KCNQ5: variants seen among roughly 807,000 people sequenced by gnomAD.
The protein encoded by KCNQ5 is potassium voltage-gated channel subfamily KQT member 5.
In KCNQ5, 30 loss-of-function variants were observed where a neutral mutation model predicts 98.2. That is an observed-to-expected ratio of 0.31 (90% CI 0.23 to 0.41). KCNQ5 has a LOEUF of 0.41. Ranked by LOEUF, KCNQ5 falls within the 10% of genes least tolerant of loss-of-function variation. The pLI, the probability that KCNQ5 is intolerant of heterozygous loss-of-function variation, is 1.00. For missense variants in KCNQ5, 835 were observed against 1,182.5 expected (o/e 0.71, Z 4.31); for synonymous variants, 458 against 449.4 (o/e 1.02, Z -0.24).
chr6:73,048,844 G>A (rs1032084036), intron 3 of KCNQ5, among the ~76,000 whole-genome samples: 1 of 152,232 alleles, frequency 6.6e-6, no homozygotes, highest in East Asian at 1.9e-4. Context: ...AGCCCCAGTG[G>A]TATCACCAGT....
intron 10 of KCNQ5, among the ~76,000 whole-genome samples, chr6:73,139,088 C>A (rs929514545): frequency 2.6e-5 from 4 of 152,220 alleles, no homozygotes; most frequent in Non-Finnish European, 5.9e-5. Flanking sequence ...CATCTGTCTG[C>A]CTGCCTCCTC....
Position 72,878,372 on chromosome 6 carries a change from G to A in KCNQ5, c.399-125536G>A, listed in dbSNP as rs188221623. ...CATTATGAACTCACGACCTTTGACA[G>A]GATTATCATTTTCTTTTTTGGTACT... On this transcript the variant is annotated intron_variant, in intron 1 of 13. Coordinates refer to ENST00000370398, the MANE Select transcript of KCNQ5 (RefSeq NM_019842.4). Among the ~76,000 whole-genome samples the A allele has an allele frequency of 1.2e-3, 185 of 152,282 alleles. 4 individuals carry two copies. The South Asian group carries it at 0.014, about 12-fold the overall frequency.
chr6:73,061,413 C>T (rs1451560352), intron 3 of KCNQ5, among the ~76,000 whole-genome samples: 2 of 152,004 alleles, frequency 1.3e-5, no homozygotes, highest in Non-Finnish European at 1.5e-5. Flanking sequence ...GAATTATTGC[C>T]TGGCACAGAT....
chr6:72,624,397 CT>C (rs1192758255), intron 1 of KCNQ5, among the ~76,000 whole-genome samples: 2 of 151,862 alleles, frequency 1.3e-5, no homozygotes, highest in African/African-American at 4.8e-5. Context: ...TCTAGCCTTT[CT>C]TTTTTTTATA....
intron 1 of KCNQ5, among the ~76,000 whole-genome samples, chr6:72,897,490 C>T (rs1023857131): frequency 6.6e-6 from 1 of 152,006 alleles, no homozygotes; most frequent in Non-Finnish European, 1.5e-5. Context: ...TGCGGGGAGC[C>T]GAGATTGTAC....
At chr6:72,941,555 C>G (rs1398163084) in intron 1 of KCNQ5, among the ~76,000 whole-genome samples, 4 of 128,272 alleles carry the variant, frequency 3.1e-5, no homozygotes, top group African/African-American at 1.2e-4. Flanking sequence ...TTCCTTCTTC[C>G]CTCCCTCCTT....
chr6:72,690,978 CA>C (rs1768189434), intron 1 of KCNQ5, among the ~76,000 whole-genome samples: 1 of 151,998 alleles, frequency 6.6e-6, no homozygotes, highest in African/African-American at 2.4e-5. Context: ...GAAAACAATT[CA>C]AAATATTCAG....
chr6:72,722,125 G>T (rs1324798113), intron 1 of KCNQ5, among the ~76,000 whole-genome samples: 1 of 152,098 alleles, frequency 6.6e-6, no homozygotes, highest in Non-Finnish European at 1.5e-5. Flanking sequence ...AAAAGGAAGG[G>T]AAACTGATTC....
At chr6:73,187,147 C>T (rs1016292110) in intron 11 of KCNQ5, among the ~76,000 whole-genome samples, 6 of 151,390 alleles carry the variant, frequency 4.0e-5, no homozygotes, top group Non-Finnish European at 7.4e-5. Flanking sequence ...GCAAGCTCTG[C>T]CTCCCGGGTT....
intron 1 of KCNQ5, among the ~76,000 whole-genome samples, chr6:72,639,076 G>A (rs1661775857): frequency 6.6e-6 from 1 of 152,178 alleles, no homozygotes; most frequent in Admixed American, 6.5e-5. Flanking sequence ...TTGGGCTTTG[G>A]GAAAGACAGG....
At chr6:72,780,897 A>G (rs1773430338) in intron 1 of KCNQ5, among the ~76,000 whole-genome samples, 1 of 152,152 alleles carries the variant, frequency 6.6e-6, no homozygotes, top group African/African-American at 2.4e-5. Flanking sequence ...TTAATCATAG[A>G]AAAGAAAGAA....
intron 8 of KCNQ5, among the ~76,000 whole-genome samples, chr6:73,122,562 C>T (rs1288441461): frequency 2.0e-5 from 3 of 152,162 alleles, no homozygotes; most frequent in Admixed American, 6.5e-5. Flanking sequence ...GGCTCAGCTC[C>T]ATTGAATGAA....
At chr6:73,043,165 T>A (rs780484770) in intron 3 of KCNQ5, 8 of 452,318 alleles carry the variant, frequency 1.8e-5, no homozygotes, top group South Asian at 1.2e-4. Flanking sequence ...TGTATCACCA[T>A]CCATGGGCAC....
In KCNQ5 at chr6:72,852,638, G is replaced by GAAATAAAT. The variant is rs1190940661; in HGVS notation, c.399-151265_399-151264insAATAAATA. Among the ~76,000 whole-genome samples the GAAATAAAT allele has an allele frequency of 2.0e-4, 5 of 24,526 alleles. 1 individual carries two copies. Among genetic ancestry groups the GAAATAAAT allele is most frequent in the Non-Finnish European group, 4.0e-4 (5 of 12,600 alleles). The allele number at this position is 24,526 out of a possible 152,430, so 16.1% of individuals were successfully genotyped here. On this transcript the variant is annotated intron_variant, in intron 1 of 13. Coordinates refer to ENST00000370398, the MANE Select transcript of KCNQ5 (RefSeq NM_019842.4). ...GCAGTGGAGAGAAGGAGATGAAGGG[G>GAAATAAAT]AAATATATATATATATATATATAAA...
intron 1 of KCNQ5, among the ~76,000 whole-genome samples, chr6:72,814,520 T>G (rs1775405190): frequency 6.6e-6 from 1 of 152,234 alleles, no homozygotes; most frequent in Non-Finnish European, 1.5e-5. Flanking sequence ...AAGTTAAGCA[T>G]TTTTGCATCA....
At chr6:72,736,498 A>ATATCTTTTTT (rs1770840516) in intron 1 of KCNQ5, among the ~76,000 whole-genome samples, 1 of 112,694 alleles carries the variant, frequency 8.9e-6, no homozygotes. Context: ...GTAAAAAAAG[A>ATATCTTTTTT]TTTCTTTTTT....
chr6:73,095,019 C>T (rs1280364826), intron 5 of KCNQ5, among the ~76,000 whole-genome samples: 1 of 152,140 alleles, frequency 6.6e-6, no homozygotes, highest in Non-Finnish European at 1.5e-5. Context: ...AATATGTTTT[C>T]CAAACTTTTA....
At chr6:72,907,466 A>T (rs370380105) in intron 1 of KCNQ5, among the ~76,000 whole-genome samples, 1 of 152,174 alleles carries the variant, frequency 6.6e-6, no homozygotes, top group African/African-American at 2.4e-5. Context: ...TGTGATACAA[A>T]GACTTCACAT....
intron 9 of KCNQ5, 35 bp from the exon 10 acceptor site, chr6:73,133,386 T>A: frequency 6.3e-7 from 1 of 1,585,198 alleles, no homozygotes; most frequent in South Asian, 1.1e-5. Context: ...AAGAAATTGC[T>A]TGAAATGGAA....
Sources: allele counts gnomAD v4.1 joint callset (sites outside exome capture counted in the v4.1 genomes callset), GRCh38; gene constraint gnomAD v4.1.1; transcripts MANE v1.5; gene names NCBI Gene and HGNC (gene_info 2026-07-23, HGNC 2026-07-21).